GRM3: variants seen among roughly 807,000 people sequenced by gnomAD.
GRM3 encodes glutamate metabotropic receptor 3, also known as metabotropic glutamate receptor 3.
GRM3 carries 26 observed loss-of-function variants against 70.5 expected under a neutral mutation model. That is an observed-to-expected ratio of 0.37 (90% CI 0.27 to 0.51). The LOEUF is 0.51. Among genes scored for constraint, GRM3 ranks in the 20% least tolerant of loss-of-function variants. GRM3 has a pLI of 0.93. For synonymous variants in GRM3, 443 were observed against 434.9 expected, an observed-to-expected ratio of 1.02 and a Z score of -0.23; for missense variants, 859 against 1,123.8, an observed-to-expected ratio of 0.76 and a Z score of 3.37.
intron 2 of GRM3, among the ~76,000 whole-genome samples, chr7:86,785,235 C>T (rs946733791): frequency 1.3e-5 from 2 of 152,144 alleles, no homozygotes; most frequent in Non-Finnish European, 2.9e-5. Flanking sequence ...AACTCTCCTA[C>T]GTGAGGTAGA....
intron 2 of GRM3, among the ~76,000 whole-genome samples, chr7:86,771,794 A>T (rs533020528): frequency 6.6e-6 from 1 of 152,200 alleles, no homozygotes; most frequent in East Asian, 1.9e-4. Context: ...CAGGAATAGA[A>T]TTGAACAGGG....
At chr7:86,775,286 AGAG>A (rs1158346792) in intron 2 of GRM3, 1 of 152,132 alleles carries the variant, frequency 6.6e-6, no homozygotes, top group Non-Finnish European at 1.5e-5. Flanking sequence ...AATGACAAAA[AGAG>A]GAGAACAAAT....
intron 3 of GRM3, among the ~76,000 whole-genome samples, chr7:86,823,829 G>A (rs1273457661): frequency 6.6e-6 from 1 of 152,122 alleles, no homozygotes; most frequent in Non-Finnish European, 1.5e-5. Flanking sequence ...GTGTAGGCCA[G>A]GAGCCAAGAA....
intron 5 of GRM3, among the ~76,000 whole-genome samples, chr7:86,859,649 T>C (rs1798917666): frequency 6.6e-6 from 1 of 152,202 alleles, no homozygotes; most frequent in Non-Finnish European, 1.5e-5. Flanking sequence ...TTATTTTTTT[T>C]CTGAGACTGA....
At chr7:86,747,122 C>T (rs909920434) in intron 1 of GRM3, among the ~76,000 whole-genome samples, 1 of 152,002 alleles carries the variant, frequency 6.6e-6, no homozygotes, top group South Asian at 2.1e-4. Flanking sequence ...TCCATGATCC[C>T]ATTATACATT....
intron 1 of GRM3, among the ~76,000 whole-genome samples, chr7:86,706,658 G>A (rs920058811): frequency 6.6e-6 from 1 of 151,998 alleles, no homozygotes; most frequent in African/African-American, 2.4e-5. Context: ...TAAGAGCCAA[G>A]TGCACAGTTG....
chr7:86,846,682 A>G lies in GRM3; in HGVS notation c.2392-3688A>G, dbSNP rs568673707. Among the ~76,000 whole-genome samples, 11 of 152,248 alleles carry G rather than the reference A, an allele frequency of 7.2e-5. 1 individual carries two copies. The highest frequency in any genetic ancestry group is 2.6e-4 in the African/African-American group (11 of 41,548). ...CCTCAAACTTCGACCACATCTCCAA[A>G]TCCTTCTCCTTAACAGGAAATAAAG... is the stretch of plus-strand genomic sequence containing the variant. On this transcript the variant is annotated intron_variant, in intron 4 of 5. Coordinates refer to ENST00000361669, the MANE Select transcript of GRM3 (RefSeq NM_000840.3).
At chr7:86,841,567 C>G (rs901405971) in intron 4 of GRM3, among the ~76,000 whole-genome samples, 19 of 151,642 alleles carry the variant, frequency 1.3e-4, no homozygotes, top group African/African-American at 4.4e-4. Flanking sequence ...TTTTAGGAAG[C>G]CACTGTTAGC....
At chr7:86,647,791 C>T (rs573604776) in intron 1 of GRM3, among the ~76,000 whole-genome samples, 59 of 152,278 alleles carry the variant, frequency 3.9e-4, no homozygotes, top group African/African-American at 1.4e-3. Flanking sequence ...TTAGCTCATA[C>T]CCCTCCTTCT....
Position 86,655,846 on chromosome 7 carries a change from GT to G in GRM3, c.-141+10975del, listed in dbSNP as rs1562814675. Among the ~76,000 whole-genome samples, 542 of 134,860 alleles carry G rather than the reference GT, an allele frequency of 4.0e-3. 11 individuals are homozygous for G. Among genetic ancestry groups the G allele is most frequent in the African/African-American group, 0.015 (508 of 33,372 alleles). 88.5% of individuals were successfully genotyped at this position (134,860 alleles called of 152,430 possible). A position where few individuals can be genotyped will look rare whatever the true frequency, so the allele number is the denominator to read the frequency against. ...TGTGTGTGTGTGTGTGTGTGTGTGT[GT>G]GTGTGGGTGGGTGGGTGTGTGTGTA... On this transcript the variant is annotated intron_variant, in intron 1 of 5. Coordinates refer to ENST00000361669, the MANE Select transcript of GRM3 (RefSeq NM_000840.3).
intron 2 of GRM3, among the ~76,000 whole-genome samples, chr7:86,778,908 G>A (rs1237495317): frequency 6.6e-6 from 1 of 152,128 alleles, no homozygotes; most frequent in Non-Finnish European, 1.5e-5. Flanking sequence ...ACTTAGGTTA[G>A]GATGAGGTCA....
chr7:86,779,661 GA>G (rs1458898845), intron 2 of GRM3, among the ~76,000 whole-genome samples: 1 of 152,202 alleles, frequency 6.6e-6, no homozygotes, highest in Non-Finnish European at 1.5e-5. Context: ...ATGAGGGAAT[GA>G]AAGAGGCTCA....
At chr7:86,746,083 A>G (rs1389466186) in intron 1 of GRM3, among the ~76,000 whole-genome samples, 1 of 151,976 alleles carries the variant, frequency 6.6e-6, no homozygotes, top group Non-Finnish European at 1.5e-5. Context: ...TGTCAAAGAT[A>G]CAAAGCTTCT....
chr7:86,684,162 A>G lies in GRM3; in HGVS notation c.-141+39290A>G, dbSNP rs1794507782. On this transcript the variant is annotated intron_variant, in intron 1 of 5. Transcript: ENST00000361669. ...CCGAAGTCTTAGACCCACACCCTGC[A>G]ACATTATAGCCTTGCTCTTGGAGTC... Among the ~76,000 whole-genome samples, 3 of 152,078 alleles carry G rather than the reference A, an allele frequency of 2.0e-5. No homozygotes were observed. In the South Asian group the frequency reaches 6.2e-4, roughly 31 times the overall value.
intron 1 of GRM3, among the ~76,000 whole-genome samples, chr7:86,762,983 G>T (rs1346884960): frequency 6.6e-6 from 1 of 152,088 alleles, no homozygotes; most frequent in African/African-American, 2.4e-5. Context: ...GCACTGAGAA[G>T]AGATTTATAA....
intron 3 of GRM3, among the ~76,000 whole-genome samples, chr7:86,804,182 C>T (rs1797739794): frequency 6.6e-6 from 1 of 152,108 alleles, no homozygotes; most frequent in South Asian, 2.1e-4. Flanking sequence ...GGAGGCAAAA[C>T]CAGTCTCCAG....
intron 1 of GRM3, among the ~76,000 whole-genome samples, chr7:86,746,341 T>TTTTATATATATATATATATATATATA (rs1388333232): frequency 1.1e-4 from 10 of 87,426 alleles, no homozygotes; most frequent in South Asian, 4.3e-4. Context: ...CAGTCATGTA[T>TTTTATATATATATATATATATATATA]TATATATATA....
chr7:86,787,354 CAG>C (rs2116552615), intron 3 of GRM3, among the ~76,000 whole-genome samples: 1 of 152,362 alleles, frequency 6.6e-6, no homozygotes, highest in African/African-American at 2.4e-5. Context: ...GCAGGGCTGA[CAG>C]CCCACTGTGG....
Position 86,786,343 on chromosome 7 carries a change from A to T in GRM3, c.551A>T (p.Tyr184Phe), listed in dbSNP as rs376536990. Residue 184 changes from tyrosine (Y) to phenylalanine (F), a missense_variant, in exon 3 of 6, where the codon TAT becomes TTT. By Grantham distance (22) the Tyr-to-Phe change is conservative. Coordinates refer to ENST00000361669, the MANE Select transcript of GRM3 (RefSeq NM_000840.3). The surrounding 1 kb of genome is among the most constrained non-coding windows in gnomAD (Gnocchi z 6.0). ...TSAKLSDKSRYDYFARTVPPD... is the reference protein window; with the variant it reads ...TSAKLSDKSRFDYFARTVPPD... ...GCCAAACTCAGTGATAAGTCGCGCT[A>T]TGATTACTTTGCCAGGACCGTGCCC... 6 of 1,614,034 alleles carry T rather than the reference A, an allele frequency of 3.7e-6. No individual in the cohort carries two copies. The highest frequency in any genetic ancestry group is 1.6e-4 in the Middle Eastern group (1 of 6,084).
Sources: gnomAD v4.1 joint callset for allele counts (sites outside exome capture counted in the v4.1 genomes callset) on GRCh38, gnomAD v4.1.1 for gene constraint, Gnocchi (gnomAD v3.1) non-coding constraint, MANE v1.5 for transcripts, NCBI Gene and HGNC (gene_info 2026-07-23, HGNC 2026-07-21) for gene names.